Variants in MYO3B observed in about 807,000 individuals in gnomAD.
MYO3B encodes the protein myosin-IIIb.
MYO3B carries 156 observed loss-of-function variants against 174.6 expected under a neutral mutation model. The ratio of observed to expected loss-of-function variants is 0.89; its 90% CI spans 0.78 to 1.02. MYO3B has a LOEUF of 1.02. MYO3B is among the 50% of genes least tolerant of loss of function. The pLI is 0.00. For missense variants in MYO3B, 1,632 were observed against 1,639.4 expected, an observed-to-expected ratio of 1.00 and a Z score of 0.08; for synonymous variants, 563 against 569.1, an observed-to-expected ratio of 0.99 and a Z score of 0.15.
chr2:170,486,339 T>C (rs977582785), intron 25 of MYO3B, among the ~76,000 whole-genome samples: 1 of 149,638 alleles, frequency 6.7e-6, no homozygotes, highest in Non-Finnish European at 1.5e-5. Context: ...AGTTTCGCTC[T>C]TGTTGCCCAG....
chr2:170,271,798 C>T (rs1202944395), intron 7 of MYO3B, among the ~76,000 whole-genome samples: 1 of 152,160 alleles, frequency 6.6e-6, no homozygotes, highest in African/African-American at 2.4e-5. Context: ...TTCCTTTATG[C>T]CCAGCACTGA....
intron 30 of MYO3B, among the ~76,000 whole-genome samples, chr2:170,527,095 G>A (rs767676835): frequency 6.6e-6 from 1 of 152,082 alleles, no homozygotes; most frequent in Non-Finnish European, 1.5e-5. Context: ...ATCCTTCAAG[G>A]TCTCATTCGT....
chr2:170,648,942 T>TATATATAAATATATAATGTATA (rs1698639188), intron 32 of MYO3B, among the ~76,000 whole-genome samples: 3 of 71,970 alleles, frequency 4.2e-5, no homozygotes, highest in African/African-American at 1.0e-4. Context: ...TGATATATAA[T>TATATATAAATATATAATGTATA]ATATATAAAA....
rs771014796 is a variant in MYO3B, at chr2:170,369,253, T to G, written c.847T>G (p.Ser283Ala). 17 of 1,613,374 alleles carry G rather than the reference T, an allele frequency of 1.1e-5. No individual in the cohort carries two copies. The highest frequency in any genetic ancestry group is 8.3e-5 in the Admixed American group (5 of 59,928). The change falls in exon 9 of 35, where the codon TCC (serine) becomes GCC (alanine). Residue 283 changes from serine (S) to alanine (A), a missense_variant. Transcript: ENST00000408978. ...CLIKDFERRP[S>A]VTHLLDHPFI... is the part of the protein sequence containing the mutation. ...TATTAAGGATTTTGAAAGGCGACCT[T>G]CCGTCACACATCTCCTTGACCACCC...
At chr2:170,400,385 T>C in intron 17 of MYO3B, 71 bp downstream of exon 17, 1 of 1,489,900 alleles carries the variant, frequency 6.7e-7, no homozygotes, top group Non-Finnish European at 9.0e-7. Flanking sequence ...TAAAATATAA[T>C]GCAGCATTTG....
rs529714198 is a variant in MYO3B at position 170,404,050 on chromosome 2, G to T, written c.2278-197G>T. ...TTTTACTGGTTTAGCTGCTGCCATA[G>T]GCCACTTGTAAGTCAGATTTAAGTG... On this transcript the variant is annotated intron_variant, in intron 19 of 34. Coordinates refer to ENST00000408978, the MANE Select transcript of MYO3B (RefSeq NM_138995.5). 8.2e-4 allele frequency among the ~76,000 whole-genome samples: 124 copies of T among 152,126 alleles called. 1 individual carries two copies. The highest frequency in any genetic ancestry group is 1.5e-3 in the Non-Finnish European group (100 of 68,024).
chr2:170,495,190 T>C (rs1433188419), intron 25 of MYO3B, among the ~76,000 whole-genome samples: 1 of 152,186 alleles, frequency 6.6e-6, no homozygotes, highest in Non-Finnish European at 1.5e-5. Context: ...AGGAAAGGGG[T>C]AAAATGGATC....
chr2:170,509,135 T>C (rs1687806995), intron 28 of MYO3B, among the ~76,000 whole-genome samples: 1 of 152,164 alleles, frequency 6.6e-6, no homozygotes, highest in Non-Finnish European at 1.5e-5. Flanking sequence ...GGCGGGTGGA[T>C]CACTTGAGGT....
At chr2:170,263,467 G>A (rs1272859291) in intron 7 of MYO3B, among the ~76,000 whole-genome samples, 7 of 152,070 alleles carry the variant, frequency 4.6e-5, no homozygotes, top group African/African-American at 1.4e-4. Context: ...TTTATTGATC[G>A]TTATCTCTAC....
chr2:170,400,419 T>A (rs2105791952), intron 17 of MYO3B, 105 bp downstream of exon 17: 3 of 1,300,628 alleles, frequency 2.3e-6, no homozygotes, highest in Non-Finnish European at 3.1e-6. Flanking sequence ...TTTTTTTTTT[T>A]TATCGAGATG....
chr2:170,381,465 C>G (rs2094335014), intron 9 of MYO3B, among the ~76,000 whole-genome samples: 1 of 152,080 alleles, frequency 6.6e-6, no homozygotes, highest in African/African-American at 2.4e-5. Flanking sequence ...ATAGTGGTCA[C>G]CTCAGGAGAG....
chr2:170,456,163 T>TG (rs987959584), intron 23 of MYO3B, among the ~76,000 whole-genome samples: 25 of 151,442 alleles, frequency 1.7e-4, no homozygotes, highest in South Asian at 6.3e-4. Context: ...GATATTTTGG[T>TG]GGGGGGGTGG....
At chr2:170,286,209 G>A (rs776562744) in intron 7 of MYO3B, among the ~76,000 whole-genome samples, 8 of 152,314 alleles carry the variant, frequency 5.3e-5, no homozygotes, top group Non-Finnish European at 1.2e-4. Flanking sequence ...AGCAGCCAAA[G>A]CAATGTAAAG....
rs562750718 is a variant in MYO3B, at chr2:170,596,703, C to CT, written c.3733+52715_3733+52716insT. Reference sequence around the variant, plus strand: ...CTACCCTAGAAACCTCCCGCTGCCCCCCCAGGGCCTAGAGAAGGCCCTTTA... The same window carrying CT: ...CTACCCTAGAAACCTCCCGCTGCCCCTCCCAGGGCCTAGAGAAGGCCCTTTA... On this transcript the variant is annotated intron_variant, in intron 32 of 34. Coordinates refer to ENST00000408978, the MANE Select transcript of MYO3B (RefSeq NM_138995.5). 9.8e-5 allele frequency among the ~76,000 whole-genome samples: 15 copies of CT among 152,326 alleles called. No individual in the cohort carries two copies. The South Asian group carries it at 2.9e-3, about 29-fold the overall frequency.
intron 25 of MYO3B, among the ~76,000 whole-genome samples, chr2:170,493,251 G>T (rs1049887975): frequency 3.9e-5 from 6 of 152,040 alleles, no homozygotes; most frequent in Non-Finnish European, 8.8e-5. Context: ...TTTTTTTTCA[G>T]GTAGGAAAAT....
intron 30 of MYO3B, among the ~76,000 whole-genome samples, chr2:170,539,889 T>A (rs1689975090): frequency 1.3e-5 from 2 of 152,078 alleles, no homozygotes; most frequent in African/African-American, 4.8e-5. Flanking sequence ...CCCGAAGTGC[T>A]AGGATACCAG....
chr2:170,255,898 A>G (rs1471509788), intron 7 of MYO3B, among the ~76,000 whole-genome samples: 1 of 152,232 alleles, frequency 6.6e-6, no homozygotes. Flanking sequence ...CAAGAAAGCC[A>G]GTTGTTGATA....
chr2:170,485,420 C>CACACACACAG (rs777460347), intron 25 of MYO3B, among the ~76,000 whole-genome samples: 152 of 127,904 alleles, frequency 1.2e-3, no homozygotes, highest in African/African-American at 2.7e-3. Context: ...CACACACACA[C>CACACACACAG]AGAGAGAGAG....
chr2:170,576,987 C>T (rs1379089183), intron 32 of MYO3B, among the ~76,000 whole-genome samples: 2 of 152,160 alleles, frequency 1.3e-5, no homozygotes, highest in African/African-American at 2.4e-5. Flanking sequence ...ATTGTATAGC[C>T]CCAATCCTAG....
Sources: allele counts gnomAD v4.1 joint callset (sites outside exome capture counted in the v4.1 genomes callset), GRCh38; gene constraint gnomAD v4.1.1; transcripts MANE v1.5; gene names NCBI Gene and HGNC (gene_info 2026-07-23, HGNC 2026-07-21).